Variants in RSRC1 observed in about 807,000 individuals in gnomAD.
RSRC1 encodes the protein serine/Arginine-related protein 53.
RSRC1 carries 39 observed loss-of-function variants against 49.1 expected under a neutral mutation model. The observed-to-expected ratio is 0.79, with a 90% CI of 0.61 to 1.04. RSRC1 has a LOEUF of 1.04. Among genes scored for constraint, RSRC1 ranks in the 50% least tolerant of loss-of-function variants. RSRC1 has a pLI of 0.00. For missense variants in RSRC1, 388 were observed against 402.4 expected (o/e 0.96, Z 0.31); for synonymous variants, 143 against 130.8 (o/e 1.09, Z -0.63).
chr3:158,523,997 T>C (rs938332742), intron 7 of RSRC1, among the ~76,000 whole-genome samples: 5 of 152,102 alleles, frequency 3.3e-5, no homozygotes, highest in Admixed American at 2.6e-4. Flanking sequence ...GACCACTTCC[T>C]CCTGGTTGCC....
intron 3 of RSRC1, among the ~76,000 whole-genome samples, chr3:158,131,436 C>T (rs1716018068): frequency 1.3e-5 from 2 of 151,702 alleles, no homozygotes; most frequent in African/African-American, 4.8e-5. Flanking sequence ...ACTGAAGACC[C>T]CATGGTCAGC....
intron 6 of RSRC1, among the ~76,000 whole-genome samples, chr3:158,415,785 T>C (rs1734708433): frequency 6.6e-6 from 1 of 152,102 alleles, no homozygotes; most frequent in Non-Finnish European, 1.5e-5. Flanking sequence ...TACTTTATGT[T>C]ATATTAAAAT....
intron 6 of RSRC1, among the ~76,000 whole-genome samples, chr3:158,437,720 G>A (rs146930361): frequency 9.2e-5 from 14 of 152,178 alleles, no homozygotes; most frequent in East Asian, 3.9e-4. Context: ...CATACTGAAC[G>A]GGCAAAAACT....
chr3:158,430,785 C>T (rs1254442963), intron 6 of RSRC1, among the ~76,000 whole-genome samples: 1 of 151,874 alleles, frequency 6.6e-6, no homozygotes, highest in Non-Finnish European at 1.5e-5. Context: ...GTACCTGGTA[C>T]AGTATATAGT....
rs531856720 is a variant in RSRC1 at position 158,444,910 on chromosome 3, T to C, written c.584-16025T>C. Among the ~76,000 whole-genome samples, 161 of 152,192 alleles carry C rather than the reference T, an allele frequency of 1.1e-3. 2 individuals are homozygous for C. The highest frequency in any genetic ancestry group is 3.4e-3 in the Middle Eastern group (1 of 294). On this transcript the variant is annotated intron_variant, in intron 6 of 9. Transcript: ENST00000611884. ...CAAAAGACACATGAAAAAATGCTCATCATCACTGGCCATCAGAAAAATGCA... is the reference window on the plus strand; with the variant it reads ...CAAAAGACACATGAAAAAATGCTCACCATCACTGGCCATCAGAAAAATGCA...
At chr3:158,307,537 T>C (rs1727903018) in intron 5 of RSRC1, among the ~76,000 whole-genome samples, 1 of 151,920 alleles carries the variant, frequency 6.6e-6, no homozygotes, top group Non-Finnish European at 1.5e-5. Flanking sequence ...TGTGGGACCG[T>C]ATTAATATTA....
At chr3:158,385,609 A>G (rs1178786502) in intron 6 of RSRC1, among the ~76,000 whole-genome samples, 4 of 152,202 alleles carry the variant, frequency 2.6e-5, no homozygotes, top group Non-Finnish European at 5.9e-5. Flanking sequence ...ACAGTTATTG[A>G]GAGAGTATTT....
intron 6 of RSRC1, among the ~76,000 whole-genome samples, chr3:158,441,318 C>T (rs527586452): frequency 3.2e-4 from 49 of 152,122 alleles, no homozygotes; most frequent in African/African-American, 1.2e-3. Flanking sequence ...GAGACAAAGT[C>T]TACTAAAACG....
intron 5 of RSRC1, among the ~76,000 whole-genome samples, chr3:158,321,141 A>G (rs779721455): frequency 1.4e-4 from 22 of 151,834 alleles, no homozygotes; most frequent in Non-Finnish European, 3.2e-4. Flanking sequence ...CTTCCTCTTC[A>G]TCACTTCTCC....
intron 6 of RSRC1, among the ~76,000 whole-genome samples, chr3:158,384,619 A>G (rs1732870234): frequency 6.6e-6 from 1 of 152,138 alleles, no homozygotes; most frequent in Non-Finnish European, 1.5e-5. Flanking sequence ...CTGAAAAAGG[A>G]AAGGGAAGAG....
At chr3:158,406,338 C>G (rs1734161390) in intron 6 of RSRC1, among the ~76,000 whole-genome samples, 1 of 151,900 alleles carries the variant, frequency 6.6e-6, no homozygotes, top group Admixed American at 6.6e-5. Context: ...GCACAGTTAG[C>G]CACATTTAGT....
At chr3:158,384,521 G>A (rs1732864604) in intron 6 of RSRC1, among the ~76,000 whole-genome samples, 1 of 152,036 alleles carries the variant, frequency 6.6e-6, no homozygotes, top group Non-Finnish European at 1.5e-5. Context: ...TTAATGAATG[G>A]GCTATTAATA....
At chr3:158,242,380 T>C (rs1723645568) in intron 4 of RSRC1, among the ~76,000 whole-genome samples, 7 of 152,126 alleles carry the variant, frequency 4.6e-5, no homozygotes, top group Admixed American at 4.6e-4. Flanking sequence ...AAGGACATGA[T>C]CTTGTTCCTT....
intron 3 of RSRC1, chr3:158,132,186 A>G (rs1212930699): frequency 4.6e-6 from 2 of 435,342 alleles, no homozygotes; most frequent in East Asian, 7.0e-5. Flanking sequence ...GGGTTTCACC[A>G]TGTTGCCCAG....
intron 5 of RSRC1, among the ~76,000 whole-genome samples, chr3:158,304,596 CTGA>C (rs1160601383): frequency 6.6e-6 from 1 of 152,094 alleles, no homozygotes; most frequent in African/African-American, 2.4e-5. Context: ...TCAAAATGCA[CTGA>C]TGTTACCTAT....
At chr3:158,150,798 G>T (rs1269733654) in intron 3 of RSRC1, among the ~76,000 whole-genome samples, 4 of 152,084 alleles carry the variant, frequency 2.6e-5, no homozygotes, top group African/African-American at 9.7e-5. Context: ...GGAGCGAGGG[G>T]TGCTTTAACT....
At chr3:158,426,116 TTTC>T (rs1489819133) in intron 6 of RSRC1, among the ~76,000 whole-genome samples, 1 of 151,676 alleles carries the variant, frequency 6.6e-6, no homozygotes, top group African/African-American at 2.4e-5. Flanking sequence ...AAAGTGAAAT[TTTC>T]AAACTTTTAG....
intron 7 of RSRC1, among the ~76,000 whole-genome samples, chr3:158,478,948 C>CAAAAAAAAAAAA (rs10603914): frequency 8.9e-6 from 1 of 112,288 alleles, no homozygotes; most frequent in African/African-American, 3.1e-5. Flanking sequence ...GGAGAAAAAG[C>CAAAAAAAAAAAA]AAAAAAAAAA....
chr3:158,252,583 C>G (rs1724284903), intron 4 of RSRC1, among the ~76,000 whole-genome samples: 1 of 152,164 alleles, frequency 6.6e-6, no homozygotes, highest in Admixed American at 6.5e-5. Context: ...GTTTTGGTAT[C>G]AGGGTAATAC....
Sources: gnomAD v4.1 joint callset for allele counts (sites outside exome capture counted in the v4.1 genomes callset) on GRCh38, gnomAD v4.1.1 for gene constraint, MANE v1.5 for transcripts, NCBI Gene and HGNC (gene_info 2026-07-23, HGNC 2026-07-21) for gene names.